Variants in ZBTB20 observed in about 807,000 individuals in gnomAD.
ZBTB20 encodes the protein zinc finger and BTB domain containing 20, also known as zinc finger and BTB domain-containing protein 20.
ZBTB20 carries 9 observed loss-of-function variants against 56.9 expected under a neutral mutation model. The observed-to-expected ratio is 0.16, with a 90% CI of 0.10 to 0.28. ZBTB20 has a LOEUF of 0.28. ZBTB20 is among the 10% of genes least tolerant of loss of function. ZBTB20 has a pLI of 1.00. For synonymous variants in ZBTB20, 417 were observed against 420.7 expected, an observed-to-expected ratio of 0.99 and a Z score of 0.11; for missense variants, 655 against 1,003.0, an observed-to-expected ratio of 0.65 and a Z score of 4.69.
chr3:114,925,851 G>A (rs570271072), intron 3 of ZBTB20, among the ~76,000 whole-genome samples: 108 of 152,214 alleles, frequency 7.1e-4, no homozygotes, highest in African/African-American at 2.4e-3. Context: ...CTTAGACATC[G>A]TCAATGTTAA....
chr3:114,398,964 C>T (rs2086574576), intron 7 of ZBTB20, among the ~76,000 whole-genome samples: 1 of 152,146 alleles, frequency 6.6e-6, no homozygotes, highest in Non-Finnish European at 1.5e-5. Flanking sequence ...TGAATTCCAT[C>T]TTTCCCATAA....
At chr3:114,468,036 T>A (rs1369669769) in intron 7 of ZBTB20, among the ~76,000 whole-genome samples, 1 of 152,208 alleles carries the variant, frequency 6.6e-6, no homozygotes, top group African/African-American at 2.4e-5. Flanking sequence ...AAGTGCAATG[T>A]TTATGTGTAT....
intron 3 of ZBTB20, among the ~76,000 whole-genome samples, chr3:114,962,845 T>C (rs2077505293): frequency 6.6e-6 from 1 of 152,156 alleles, no homozygotes; most frequent in Admixed American, 6.5e-5. Flanking sequence ...TCATCCTCTC[T>C]TAAACTCCAT....
At chr3:114,956,111 T>G (rs2077238434) in intron 3 of ZBTB20, among the ~76,000 whole-genome samples, 2 of 152,222 alleles carry the variant, frequency 1.3e-5, no homozygotes, top group Non-Finnish European at 2.9e-5. Flanking sequence ...TTGACAAAAG[T>G]ATGCAAAAAA....
chr3:114,453,873 C>T (rs73857607), intron 7 of ZBTB20, among the ~76,000 whole-genome samples: 7 of 149,514 alleles, frequency 4.7e-5, no homozygotes, highest in East Asian at 3.9e-4. Context: ...TCTTTTTAGG[C>T]GAAAAACTAA....
chr3:114,322,073 G>C lies in ZBTB20; in HGVS notation c.*16932C>G, dbSNP rs1460463037. 2 of 152,204 alleles carry C rather than the reference G, an allele frequency of 1.3e-5. No homozygotes were observed. The highest frequency in any genetic ancestry group is 2.1e-4 in the South Asian group (1 of 4,830). 9.4% of individuals were successfully genotyped at this position (152,204 alleles called of 1,614,324 possible). A position where few individuals can be genotyped will look rare whatever the true frequency, so the allele number is the denominator to read the frequency against. On this transcript the variant is annotated 3_prime_UTR_variant, in exon 12 of 12. Coordinates refer to ENST00000675478, the MANE Select transcript of ZBTB20 (RefSeq NM_001348800.3). ...TTTCAACACTTGAATTCATTGGCCA[G>C]TTGTCTGACTCTCCCACCGGTCACT...
intron 6 of ZBTB20, among the ~76,000 whole-genome samples, chr3:114,531,723 C>T (rs995714066): frequency 2.2e-4 from 34 of 152,154 alleles, no homozygotes; most frequent in African/African-American, 8.0e-4. Flanking sequence ...GAACAGCTCC[C>T]GTCTGCAGCT....
intron 6 of ZBTB20, among the ~76,000 whole-genome samples, chr3:114,518,304 A>G (rs1169821081): frequency 6.6e-6 from 1 of 152,202 alleles, no homozygotes; most frequent in Non-Finnish European, 1.5e-5. Flanking sequence ...GACTCTCCAG[A>G]GGAAAGGGGC....
intron 2 of ZBTB20, among the ~76,000 whole-genome samples, chr3:115,003,650 T>C (rs1314236271): frequency 6.6e-6 from 1 of 151,512 alleles, no homozygotes; most frequent in Non-Finnish European, 1.5e-5. Context: ...GGAAACATAG[T>C]GAGCACGCCC....
rs927233714 is a variant in ZBTB20, at chr3:114,467,949, T to C, written c.-255+32403A>G. Among the ~76,000 whole-genome samples the C allele has an allele frequency of 3.9e-5, 6 of 152,252 alleles. No homozygotes were observed. The South Asian group carries it at 8.3e-4, about 21-fold the overall frequency. ...TTTTACCTGGGAGCACTCCTTCCTA[T>C]GGTTGGCAAAAAGCTGACGCCTTTG... On this transcript the variant is annotated intron_variant, in intron 7 of 11. Coordinates refer to ENST00000675478, the MANE Select transcript of ZBTB20 (RefSeq NM_001348800.3).
chr3:114,466,450 C>G (rs992938277), intron 7 of ZBTB20, among the ~76,000 whole-genome samples: 1 of 152,152 alleles, frequency 6.6e-6, no homozygotes, highest in South Asian at 2.1e-4. Context: ...GAGAACATAT[C>G]TGAACTTTGG....
intron 8 of ZBTB20, among the ~76,000 whole-genome samples, chr3:114,385,189 G>A (rs1226748398): frequency 6.6e-6 from 1 of 152,080 alleles, no homozygotes; most frequent in African/African-American, 2.4e-5. Flanking sequence ...TGATAATTTA[G>A]ACCAGTGATG....
intron 6 of ZBTB20, among the ~76,000 whole-genome samples, chr3:114,523,374 T>C (rs1332000691): frequency 6.6e-6 from 1 of 152,160 alleles, no homozygotes; most frequent in Admixed American, 6.5e-5. Context: ...TTATAGTGAC[T>C]ATACGCATTT....
intron 7 of ZBTB20, among the ~76,000 whole-genome samples, chr3:114,450,759 A>G (rs2091557212): frequency 6.6e-6 from 1 of 152,158 alleles, no homozygotes; most frequent in Non-Finnish European, 1.5e-5. Flanking sequence ...CTAAAATCAG[A>G]ACTCTCTAAA....
chr3:114,683,095 C>T (rs1398103736), intron 6 of ZBTB20, among the ~76,000 whole-genome samples: 2 of 152,052 alleles, frequency 1.3e-5, no homozygotes, highest in Non-Finnish European at 2.9e-5. Context: ...TTGTACTTAC[C>T]TGGAGCCAAA....
At chr3:115,096,252 A>G (rs1053894059) in intron 1 of ZBTB20, among the ~76,000 whole-genome samples, 2 of 152,200 alleles carry the variant, frequency 1.3e-5, no homozygotes, top group Non-Finnish European at 2.9e-5. Context: ...AACTGTTTCT[A>G]TGTAGGTAAT....
rs10662256 is a variant in ZBTB20, at chr3:115,078,595, A to ATGTGTG, written c.-702-7187_-702-7182dup. 7.5e-3 allele frequency among the ~76,000 whole-genome samples: 985 copies of ATGTGTG among 130,578 alleles called. 9 individuals are homozygous for ATGTGTG. The highest frequency in any genetic ancestry group is 0.012 in the Non-Finnish European group (750 of 62,622). 85.7% of individuals were successfully genotyped at this position (130,578 alleles called of 152,430 possible). A position where few individuals can be genotyped will look rare whatever the true frequency, so the allele number is the denominator to read the frequency against. On this transcript the variant is annotated intron_variant, in intron 1 of 11. Coordinates refer to ENST00000675478, the MANE Select transcript of ZBTB20 (RefSeq NM_001348800.3). ...ATAGAACAACATTATCAGTAAGAAT[A>ATGTGTG]TGTGTGTGTGTGTGTGTGTATATAT... is the stretch of plus-strand genomic sequence containing the variant.
At chr3:114,544,406 C>CTTCT (rs200949949) in intron 6 of ZBTB20, among the ~76,000 whole-genome samples, 1,426 of 121,336 alleles carry the variant, frequency 0.012, 18 homozygotes, top group East Asian at 0.02. Context: ...AACTAGATTT[C>CTTCT]TTCTTTCTTT....
intron 4 of ZBTB20, among the ~76,000 whole-genome samples, chr3:114,898,618 T>C (rs192546398): frequency 1.2e-4 from 19 of 152,264 alleles, no homozygotes; most frequent in Non-Finnish European, 2.5e-4. Flanking sequence ...TCATTCAACA[T>C]TTACTGATCA....
Sources: allele counts gnomAD v4.1 joint callset (sites outside exome capture counted in the v4.1 genomes callset), GRCh38; gene constraint gnomAD v4.1.1; transcripts MANE v1.5; gene names NCBI Gene and HGNC (gene_info 2026-07-23, HGNC 2026-07-21).